SAMD12: variants seen among roughly 807,000 people sequenced by gnomAD.
SAMD12 encodes the protein sterile alpha motif domain-containing protein 12.
A neutral mutation model predicts 15.0 loss-of-function variants in SAMD12; 9 were observed. The ratio of observed to expected loss-of-function variants is 0.60; its 90% CI spans 0.36 to 1.05. The LOEUF is 1.05. SAMD12 is among the 50% of genes least tolerant of loss of function. SAMD12 has a pLI of 0.01. For missense variants in SAMD12, 230 were observed against 234.2 expected (o/e 0.98, Z 0.12); for synonymous variants, 86 against 90.1 (o/e 0.96, Z 0.25).
intron 4 of SAMD12, among the ~76,000 whole-genome samples, chr8:118,347,500 G>A (rs1006969731): frequency 3.9e-5 from 6 of 152,170 alleles, no homozygotes; most frequent in Admixed American, 1.3e-4. Context: ...TCAAATATGT[G>A]TAAAATGTGG....
At chr8:118,231,563 G>A (rs1563706806) in intron 4 of SAMD12, among the ~76,000 whole-genome samples, 1 of 152,174 alleles carries the variant, frequency 6.6e-6, no homozygotes, top group Non-Finnish European at 1.5e-5. Context: ...TTTATTCAAA[G>A]CAGTTGTGAG....
chr8:118,223,755 A>G (rs891473781), intron 4 of SAMD12, among the ~76,000 whole-genome samples: 3 of 152,228 alleles, frequency 2.0e-5, no homozygotes, highest in South Asian at 2.1e-4. Flanking sequence ...ATAAACAGTT[A>G]TTCATTTTAT....
intron 3 of SAMD12, among the ~76,000 whole-genome samples, chr8:118,404,525 A>G (rs976190097): frequency 5.3e-5 from 8 of 152,212 alleles, no homozygotes; most frequent in Non-Finnish European, 1.5e-5. Flanking sequence ...TTTGCCTGAA[A>G]ATGCAGTCAT....
chr8:118,157,701 T>C, the SAMD12 span, among the ~76,000 whole-genome samples: 6 of 152,132 alleles, frequency 3.9e-5, no homozygotes, highest in East Asian at 7.7e-4. Flanking sequence ...ATGTTGCAAT[T>C]AGGGCAGTGA....
intron 4 of SAMD12, among the ~76,000 whole-genome samples, chr8:118,326,734 A>G (rs1446325038): frequency 6.6e-6 from 1 of 152,104 alleles, no homozygotes. Context: ...CTTTGTGGCA[A>G]TGGGGTGCAA....
chr8:118,288,055 C>A (rs549343799), intron 4 of SAMD12, among the ~76,000 whole-genome samples: 4 of 152,158 alleles, frequency 2.6e-5, no homozygotes, highest in African/African-American at 4.8e-5. Flanking sequence ...GTCCTGAAGA[C>A]CAAGCGTGGG....
chr8:118,409,186 A>G (rs919546477), intron 3 of SAMD12, among the ~76,000 whole-genome samples: 1 of 152,158 alleles, frequency 6.6e-6, no homozygotes, highest in African/African-American at 2.4e-5. Context: ...TGATACAGAA[A>G]GTTAATTTTT....
chr8:118,365,743 T>C lies in SAMD12; in HGVS notation c.433+13817A>G, dbSNP rs1473824581. Among the ~76,000 whole-genome samples, 3 of 152,222 alleles carry C rather than the reference T, an allele frequency of 2.0e-5. No individual in the cohort carries two copies. The East Asian group carries it at 5.8e-4, about 29-fold the overall frequency. On this transcript the variant is annotated intron_variant, in intron 4 of 4. Transcript: ENST00000409003. ...ATATACCCTATTGGTTGTTTCTCTC[T>C]GAAGAACCCTAATACAGCCTCAGAA...
At chr8:118,488,881 T>C (rs1824358951) in intron 2 of SAMD12, among the ~76,000 whole-genome samples, 1 of 152,244 alleles carries the variant, frequency 6.6e-6, no homozygotes, top group South Asian at 2.1e-4. Context: ...AGGAGCAGAA[T>C]GCTTAGTCAT....
chr8:118,516,043 A>C (rs1217942368), intron 2 of SAMD12, among the ~76,000 whole-genome samples: 1 of 152,250 alleles, frequency 6.6e-6, no homozygotes, highest in Non-Finnish European at 1.5e-5. Flanking sequence ...TGTGATTTCC[A>C]GTGGCCTTCC....
intron 1 of SAMD12, among the ~76,000 whole-genome samples, chr8:118,601,265 T>A (rs946659599): frequency 1.3e-5 from 2 of 152,138 alleles, no homozygotes; most frequent in Non-Finnish European, 2.9e-5. Flanking sequence ...TTTAAAAAAA[T>A]TCTTAAATTT....
chr8:118,543,742 A>G (rs1586803293), intron 2 of SAMD12, among the ~76,000 whole-genome samples: 1 of 151,100 alleles, frequency 6.6e-6, no homozygotes, highest in East Asian at 2.0e-4. Context: ...AAAAGTTTAG[A>G]TACCCCTGTC....
rs138170263 is a variant in SAMD12 at position 118,475,275 on chromosome 8, C to T, written c.193-35314G>A. On this transcript the variant is annotated intron_variant, in intron 2 of 3. Coordinates refer to ENST00000314727, the MANE Select transcript of SAMD12 (RefSeq NM_207506.3). ...AAATAAAAATAAAAAGAACCTGGTA[C>T]CTCCCTCCCCTCTCTTGCTGTCTCT... 6.3e-3 allele frequency among the ~76,000 whole-genome samples: 950 copies of T among 151,928 alleles called. 9 individuals carry two copies. The highest frequency in any genetic ancestry group is 0.021 in the African/African-American group (883 of 41,424).
chr8:118,436,820 G>C (rs949634696), intron 3 of SAMD12, among the ~76,000 whole-genome samples: 1 of 152,160 alleles, frequency 6.6e-6, no homozygotes, highest in Non-Finnish European at 1.5e-5. Flanking sequence ...GCAACACTTG[G>C]AAAAGAGCAG....
At chr8:118,272,409 C>A (rs1205271501) in intron 4 of SAMD12, among the ~76,000 whole-genome samples, 2 of 152,172 alleles carry the variant, frequency 1.3e-5, no homozygotes, top group Non-Finnish European at 2.9e-5. Flanking sequence ...GGGCCTGGGG[C>A]CTGTGATGGG....
intron 4 of SAMD12, among the ~76,000 whole-genome samples, chr8:118,280,109 T>C (rs1394369126): frequency 5.9e-5 from 9 of 152,212 alleles, no homozygotes; most frequent in African/African-American, 2.2e-4. Flanking sequence ...GTCCAATAAA[T>C]GCTTTTAAGA....
intron 3 of SAMD12, among the ~76,000 whole-genome samples, chr8:118,380,651 A>C (rs984868639): frequency 6.6e-6 from 1 of 152,318 alleles, no homozygotes; most frequent in East Asian, 1.9e-4. Flanking sequence ...TACTCATCAC[A>C]TCTGCAGATC....
At chr8:118,542,457 G>A (rs1423202016) in intron 2 of SAMD12, among the ~76,000 whole-genome samples, 2 of 152,058 alleles carry the variant, frequency 1.3e-5, no homozygotes, top group Middle Eastern at 3.2e-3. Flanking sequence ...ACTAAAAATG[G>A]TATAATCTTA....
At chr8:118,554,326 A>G (rs1359963663) in intron 2 of SAMD12, among the ~76,000 whole-genome samples, 7 of 152,108 alleles carry the variant, frequency 4.6e-5, no homozygotes, top group Non-Finnish European at 1.0e-4. Context: ...AATGTGGCAC[A>G]TATACACCAT....
Sources: allele counts gnomAD v4.1 joint callset (sites outside exome capture counted in the v4.1 genomes callset), GRCh38; gene constraint gnomAD v4.1.1; transcripts MANE v1.5; gene names NCBI Gene and HGNC (gene_info 2026-07-23, HGNC 2026-07-21).